The following SLC35F4 variants were observed in gnomAD, a reference collection of about 807,000 sequenced individuals.
SLC35F4 encodes solute carrier family 35 member F4, also known as chromosome 14 open reading frame 36.
In SLC35F4, 24 loss-of-function variants were observed where a neutral mutation model predicts 44.2. The observed-to-expected ratio is 0.54, with a 90% CI of 0.39 to 0.76. The LOEUF is 0.76. SLC35F4 is among the 30% of genes least tolerant of loss of function. SLC35F4 has a pLI of 0.00. For synonymous variants in SLC35F4, 238 were observed against 223.6 expected, an observed-to-expected ratio of 1.06 and a Z score of -0.57; for missense variants, 562 against 586.1, an observed-to-expected ratio of 0.96 and a Z score of 0.42.
intron 1 of SLC35F4, among the ~76,000 whole-genome samples, chr14:57,885,091 G>A (rs1487715236): frequency 6.6e-6 from 1 of 152,036 alleles, no homozygotes; most frequent in African/African-American, 2.4e-5. Context: ...AGGCATGGTG[G>A]CCTGTGGAGA....
At chr14:57,608,156 G>A (rs2071274952) in intron 1 of SLC35F4, among the ~76,000 whole-genome samples, 1 of 152,098 alleles carries the variant, frequency 6.6e-6, no homozygotes, top group South Asian at 2.1e-4. Context: ...ATCAGTGTAT[G>A]GAAAAGTCAC....
chr14:57,610,079 G>A (rs983136440), intron 1 of SLC35F4, among the ~76,000 whole-genome samples: 1 of 152,216 alleles, frequency 6.6e-6, no homozygotes, highest in African/African-American at 2.4e-5. Flanking sequence ...GGCTAGAGGA[G>A]TTTTGGCAAC....
chr14:57,637,005 G>T (rs2073041329), intron 1 of SLC35F4, among the ~76,000 whole-genome samples: 1 of 152,066 alleles, frequency 6.6e-6, no homozygotes, highest in Non-Finnish European at 1.5e-5. Context: ...CCAGTTACAA[G>T]GTTCTAGTCA....
intron 1 of SLC35F4, among the ~76,000 whole-genome samples, chr14:57,763,819 T>C (rs941362179): frequency 6.6e-6 from 1 of 152,156 alleles, no homozygotes; most frequent in Admixed American, 6.5e-5. Flanking sequence ...TGCTTTAGAA[T>C]GTGAATGTGG....
At chr14:57,786,507 G>A (rs2077763580) in intron 1 of SLC35F4, among the ~76,000 whole-genome samples, 1 of 152,140 alleles carries the variant, frequency 6.6e-6, no homozygotes, top group African/African-American at 2.4e-5. Context: ...AACCCTCACG[G>A]AGTCCATTGC....
intron 1 of SLC35F4, among the ~76,000 whole-genome samples, chr14:57,803,699 C>T (rs1880947271): frequency 1.3e-5 from 2 of 150,156 alleles, no homozygotes; most frequent in Admixed American, 6.7e-5. Flanking sequence ...AAGCAATTCT[C>T]CTGCCTCAGC....
At chr14:57,830,229 C>A (rs1443984771) in intron 1 of SLC35F4, among the ~76,000 whole-genome samples, 1 of 152,076 alleles carries the variant, frequency 6.6e-6, no homozygotes, top group Non-Finnish European at 1.5e-5. Flanking sequence ...AACATTTCAA[C>A]TGTGTGGTTT....
chr14:57,635,083 C>T (rs760992191), intron 1 of SLC35F4, among the ~76,000 whole-genome samples: 53 of 151,964 alleles, frequency 3.5e-4, no homozygotes, highest in Middle Eastern at 3.4e-3. Context: ...AACTCTGTAC[C>T]TACCAAAAAG....
chr14:57,881,112 C>G (rs1448777688), intron 1 of SLC35F4, among the ~76,000 whole-genome samples: 1 of 151,498 alleles, frequency 6.6e-6, no homozygotes, highest in Admixed American at 6.6e-5. Flanking sequence ...TGTGTAGAGC[C>G]CATGCTGACT....
intron 1 of SLC35F4, among the ~76,000 whole-genome samples, chr14:57,979,533 G>A (rs541887577): frequency 6.6e-6 from 1 of 152,268 alleles, no homozygotes; most frequent in South Asian, 2.1e-4. Context: ...CCTGCTTCAG[G>A]ATTCCTCTGA....
At chr14:57,703,230 G>A (rs1339623548) in intron 1 of SLC35F4, among the ~76,000 whole-genome samples, 1 of 152,136 alleles carries the variant, frequency 6.6e-6, no homozygotes, top group East Asian at 1.9e-4. Flanking sequence ...TGCAAGCAGA[G>A]TAACTGGCAT....
At chr14:57,792,652 T>C (rs377577629) in intron 1 of SLC35F4, among the ~76,000 whole-genome samples, 1 of 152,274 alleles carries the variant, frequency 6.6e-6, no homozygotes, top group East Asian at 1.9e-4. Context: ...TTGGAGACCA[T>C]TATTCTAAGT....
intron 1 of SLC35F4, among the ~76,000 whole-genome samples, chr14:57,940,765 C>T (rs147707070): frequency 6.6e-6 from 1 of 152,282 alleles, no homozygotes; most frequent in Non-Finnish European, 1.5e-5. Context: ...CATCTGTTCT[C>T]CCCCACTACT....
chr14:57,875,923 A>G (rs1433772586), intron 1 of SLC35F4, among the ~76,000 whole-genome samples: 1 of 152,186 alleles, frequency 6.6e-6, no homozygotes, highest in East Asian at 1.9e-4. Flanking sequence ...TTTCTGCAGA[A>G]TGTGTCTTTT....
intron 1 of SLC35F4, among the ~76,000 whole-genome samples, chr14:57,677,050 G>T (rs2074718370): frequency 6.6e-6 from 1 of 152,020 alleles, no homozygotes; most frequent in African/African-American, 2.4e-5. Flanking sequence ...AGAAAATGTG[G>T]TATATACACA....
At chr14:57,720,274 T>G (rs566209384) in intron 1 of SLC35F4, among the ~76,000 whole-genome samples, 1 of 152,332 alleles carries the variant, frequency 6.6e-6, no homozygotes, top group Non-Finnish European at 1.5e-5. Context: ...ATTCATAATA[T>G]AGGTTGGCCT....
At chr14:57,884,592 C>A (rs1441842294) in intron 1 of SLC35F4, among the ~76,000 whole-genome samples, 1 of 152,112 alleles carries the variant, frequency 6.6e-6, no homozygotes, top group Non-Finnish European at 1.5e-5. Context: ...GTATTACACA[C>A]CTCATGCCAA....
intron 1 of SLC35F4, among the ~76,000 whole-genome samples, chr14:57,893,146 C>CA: frequency 6.6e-6 from 1 of 152,170 alleles, no homozygotes; most frequent in Non-Finnish European, 1.5e-5. Flanking sequence ...GGAAGGCCAA[C>CA]AGGGAGAAAA....
intron 1 of SLC35F4, among the ~76,000 whole-genome samples, chr14:57,896,181 C>T (rs552921942): frequency 9.9e-5 from 15 of 152,078 alleles, no homozygotes; most frequent in African/African-American, 3.4e-4. Context: ...TGCCAGTAGG[C>T]CAATTAAGGA....
Sources: allele counts gnomAD v4.1 joint callset (sites outside exome capture counted in the v4.1 genomes callset), GRCh38; gene constraint gnomAD v4.1.1; transcripts MANE v1.5; gene names NCBI Gene and HGNC (gene_info 2026-07-23, HGNC 2026-07-21).